Variants in DRC1 observed in about 807,000 individuals in gnomAD.
The protein encoded by DRC1 is dynein regulatory complex subunit 1, also known as dynein regulatory complex protein 1.
In DRC1, 74 loss-of-function variants were observed where a neutral mutation model predicts 98.7. That is an observed-to-expected ratio of 0.75 (90% CI 0.62 to 0.91). DRC1 has a LOEUF of 0.91. Ranked by LOEUF, DRC1 falls within the 40% of genes least tolerant of loss-of-function variation. The pLI, the probability that DRC1 is intolerant of heterozygous loss-of-function variation, is 0.00. For synonymous variants in DRC1, 336 were observed against 334.1 expected, an observed-to-expected ratio of 1.01 and a Z score of -0.06; for missense variants, 875 against 886.0, an observed-to-expected ratio of 0.99 and a Z score of 0.16.
chr2:26,449,595 C>T (rs1459066947), intron 11 of DRC1, among the ~76,000 whole-genome samples: 1 of 152,262 alleles, frequency 6.6e-6, no homozygotes, highest in Non-Finnish European at 1.5e-5. Context: ...TTCCATGCCT[C>T]CCTGTCCTGC....
intron 10 of DRC1, among the ~76,000 whole-genome samples, chr2:26,445,892 C>T (rs1483716556): frequency 6.6e-6 from 1 of 151,862 alleles, no homozygotes; most frequent in Non-Finnish European, 1.5e-5. Flanking sequence ...TCTCCTGAGC[C>T]CGTGATCCCC....
rs5830013 is a variant in DRC1, at chr2:26,430,958, C to CTT, written c.765+105_765+106dup. The CTT allele has an allele frequency of 0.081, 27,653 of 341,542 alleles. 233 individuals carry two copies. Among genetic ancestry groups the CTT allele is most frequent in the South Asian group, 0.13 (3,609 of 27,632 alleles). 21.2% of individuals were successfully genotyped at this position (341,542 alleles called of 1,614,324 possible). On this transcript the variant is annotated intron_variant, in intron 6 of 16. Transcript: ENST00000288710. ...AATTTGCTAGCTAGCCTTTTTCTAT[C>CTT]TTTTTTTTTTTTTTTTTTTTGAGAT...
chr2:26,439,897 A>G (rs913706765), intron 7 of DRC1, among the ~76,000 whole-genome samples: 16 of 140,646 alleles, frequency 1.1e-4, no homozygotes, highest in Admixed American at 8.4e-4. Context: ...TCAGAGGCCC[A>G]CAAGCTAGGG....
At chr2:26,443,995 G>C (rs931110881) in intron 8 of DRC1, among the ~76,000 whole-genome samples, 1 of 152,082 alleles carries the variant, frequency 6.6e-6, no homozygotes, top group African/African-American at 2.4e-5. Flanking sequence ...GTGGGAATGG[G>C]CTCTGGATTG....
At chr2:26,445,986 C>A (rs1663841242) in intron 10 of DRC1, among the ~76,000 whole-genome samples, 1 of 152,038 alleles carries the variant, frequency 6.6e-6, no homozygotes, top group Non-Finnish European at 1.5e-5. Flanking sequence ...TAACAGCGTC[C>A]TGGCTCTCCA....
chr2:26,448,905 C>T (rs574803361), intron 11 of DRC1, 102 bp downstream of exon 11: 53 of 1,180,484 alleles, frequency 4.5e-5, no homozygotes, highest in Non-Finnish European at 1.1e-5. Flanking sequence ...GTGGGCCAGT[C>T]CTCCCCTGGC....
chr2:26,402,370 A>G (rs1240144484), intron 1 of DRC1, among the ~76,000 whole-genome samples: 1 of 152,222 alleles, frequency 6.6e-6, no homozygotes, highest in Non-Finnish European at 1.5e-5. Flanking sequence ...TGGGCAGCAT[A>G]GAGAGACCCC....
chr2:26,452,877 T>C (rs751261337), intron 13 of DRC1, among the ~76,000 whole-genome samples: 2 of 152,210 alleles, frequency 1.3e-5, no homozygotes, highest in African/African-American at 2.4e-5. Context: ...ATATAAACAT[T>C]ATATAGACAT....
At chr2:26,410,863 TA>T (rs999566701) in intron 1 of DRC1, among the ~76,000 whole-genome samples, 3 of 151,764 alleles carry the variant, frequency 2.0e-5, no homozygotes, top group Admixed American at 6.6e-5. Context: ...TGGTCACATA[TA>T]AAAAACAAAA....
At chr2:26,409,526 T>G (rs1001374194) in intron 1 of DRC1, among the ~76,000 whole-genome samples, 12 of 152,174 alleles carry the variant, frequency 7.9e-5, no homozygotes, top group Non-Finnish European at 1.6e-4. Flanking sequence ...TTGGTAGTAT[T>G]AGTATCCTTT....
At position 26,430,888 on chromosome 2, in the gene DRC1, T is replaced by A. The variant is rs756089179; in HGVS notation, c.765+16T>A. The A allele has an allele frequency of 1.2e-6, 2 of 1,611,082 alleles. No homozygotes were observed. The highest frequency in any genetic ancestry group is 1.7e-6 in the Non-Finnish European group (2 of 1,178,442). ...TGCCAAAGAGGTAAAGGGTGGAGCC[T>A]GTCAAGAGTGATCCGTGGGGTCTGG... is the stretch of plus-strand genomic sequence containing the variant. On this transcript the variant is annotated intron_variant, in intron 6 of 16. Coordinates refer to ENST00000288710, the MANE Select transcript of DRC1 (RefSeq NM_145038.5).
At chr2:26,448,528 T>C in intron 10 of DRC1, 163 bp from the exon 11 acceptor site, 1 of 788,412 alleles carries the variant, frequency 1.3e-6, no homozygotes, top group Non-Finnish European at 2.2e-6. Context: ...TCCCGCCACG[T>C]AATAGGCTTT....
intron 13 of DRC1, among the ~76,000 whole-genome samples, chr2:26,452,143 G>A (rs1197349708): frequency 2.0e-5 from 3 of 151,954 alleles, no homozygotes; most frequent in African/African-American, 4.8e-5. Context: ...AGCGATGACT[G>A]AGGTGTAGAA....
At chr2:26,440,001 G>A (rs1001273860) in intron 7 of DRC1, among the ~76,000 whole-genome samples, 1 of 135,516 alleles carries the variant, frequency 7.4e-6, no homozygotes, top group African/African-American at 2.7e-5. Flanking sequence ...GTGTTTCAGA[G>A]CATACCTTTA....
At chr2:26,418,620 AATATAAATTATATATAATTTATATAAT>A (rs1426091527) in intron 2 of DRC1, among the ~76,000 whole-genome samples, 1 of 89,398 alleles carries the variant, frequency 1.1e-5, no homozygotes, top group Non-Finnish European at 1.9e-5. Context: ...AATTATATAT[AATATAAATTATATATAATTTATATAAT>A]ATATAAATTA....
intron 1 of DRC1, among the ~76,000 whole-genome samples, chr2:26,402,376 A>T (rs1186725325): frequency 6.6e-6 from 1 of 152,112 alleles, no homozygotes; most frequent in Non-Finnish European, 1.5e-5. Flanking sequence ...GCATAGAGAG[A>T]CCCCATCTCT....
intron 2 of DRC1, among the ~76,000 whole-genome samples, chr2:26,414,849 G>C (rs1678744736): frequency 6.6e-6 from 1 of 152,020 alleles, no homozygotes; most frequent in Non-Finnish European, 1.5e-5. Context: ...TGATCATCTG[G>C]AATGCCAGGC....
At chr2:26,449,500 G>C (rs921071853) in intron 11 of DRC1, among the ~76,000 whole-genome samples, 2 of 152,258 alleles carry the variant, frequency 1.3e-5, no homozygotes, top group African/African-American at 4.8e-5. Context: ...AGGCATCCCA[G>C]CTCAGAGCGG....
intron 13 of DRC1, among the ~76,000 whole-genome samples, chr2:26,452,647 T>C (rs1312530598): frequency 6.6e-6 from 1 of 152,230 alleles, no homozygotes; most frequent in Admixed American, 6.5e-5. Context: ...ATATGTCCAT[T>C]GTTGAGGAAT....
Sources: allele counts gnomAD v4.1 joint callset (sites outside exome capture counted in the v4.1 genomes callset), GRCh38; gene constraint gnomAD v4.1.1; transcripts MANE v1.5; gene names NCBI Gene and HGNC (gene_info 2026-07-23, HGNC 2026-07-21).